Variants in OR51B5 observed in about 807,000 individuals in gnomAD.
OR51B5 encodes olfactory receptor family 51 subfamily B member 5.
For synonymous variants in OR51B5, 186 were observed against 144.8 expected (o/e 1.28, Z -2.04); for missense variants, 456 against 374.6 (o/e 1.22, Z -1.79).
At chr11:5,372,842 C>G (rs951541499) in intron 1 of OR51B5, among the ~76,000 whole-genome samples, 11 of 152,136 alleles carry the variant, frequency 7.2e-5, no homozygotes, top group African/African-American at 2.7e-4. Flanking sequence ...TATGAAACCA[C>G]AGAACACCCC....
At chr11:5,417,588 A>G (rs1051472009) in intron 1 of OR51B5, among the ~76,000 whole-genome samples, 1 of 151,552 alleles carries the variant, frequency 6.6e-6, no homozygotes, top group Non-Finnish European at 1.5e-5. Context: ...CAAGAAAAAA[A>G]AAACCCCATC....
chr11:5,377,207 A>T (rs1564792472), intron 1 of OR51B5, among the ~76,000 whole-genome samples: 1 of 152,092 alleles, frequency 6.6e-6, no homozygotes, highest in Non-Finnish European at 1.5e-5. Flanking sequence ...CAAAGACAAA[A>T]ACCACATGAT....
chr11:5,383,183 G>C (rs953338254), intron 1 of OR51B5, among the ~76,000 whole-genome samples: 1 of 152,130 alleles, frequency 6.6e-6, no homozygotes. Flanking sequence ...CTCATTGAAG[G>C]AAAGTCCAGT....
intron 1 of OR51B5, among the ~76,000 whole-genome samples, chr11:5,429,516 T>G (rs979179381): frequency 6.6e-6 from 1 of 152,180 alleles, no homozygotes; most frequent in Non-Finnish European, 1.5e-5. Flanking sequence ...CACTGATCAA[T>G]CAGCACAGTT....
chr11:5,447,415 C>A (rs1850782408), intron 1 of OR51B5, among the ~76,000 whole-genome samples: 1 of 152,168 alleles, frequency 6.6e-6, no homozygotes, highest in South Asian at 2.1e-4. Flanking sequence ...AGTAACCCCA[C>A]CTTTGGCTTT....
intron 1 of OR51B5, chr11:5,354,789 G>C (rs181859558): frequency 1.2e-4 from 24 of 192,692 alleles, no homozygotes; most frequent in African/African-American, 4.1e-4. Flanking sequence ...AAGCTGCTGA[G>C]ACAAAAGACA....
At chr11:5,351,362 T>G in intron 1 of OR51B5, 1 of 627,130 alleles carries the variant, frequency 1.6e-6, no homozygotes, top group Non-Finnish European at 2.8e-6. Flanking sequence ...CTCCCAGGAA[T>G]GACTAAATTA....
intron 1 of OR51B5, among the ~76,000 whole-genome samples, chr11:5,450,413 TAATG>T (rs889294842): frequency 5.9e-5 from 9 of 151,342 alleles, no homozygotes; most frequent in Non-Finnish European, 1.2e-4. Context: ...ATTAATTAAT[TAATG>T]AATAAAAATA....
intron 1 of OR51B5, among the ~76,000 whole-genome samples, chr11:5,503,952 C>T (rs1278862138): frequency 6.6e-6 from 1 of 152,230 alleles, no homozygotes; most frequent in East Asian, 1.9e-4. Context: ...AAGTGATGTA[C>T]TTCCCCTCTT....
At chr11:5,370,209 C>T (rs182606179) in intron 1 of OR51B5, among the ~76,000 whole-genome samples, 2 of 152,274 alleles carry the variant, frequency 1.3e-5, no homozygotes, top group East Asian at 3.9e-4. Flanking sequence ...TTATCATTAA[C>T]AGTCACAGTC....
chr11:5,436,694 A>G (rs1262490641), intron 1 of OR51B5, among the ~76,000 whole-genome samples: 3 of 152,224 alleles, frequency 2.0e-5, no homozygotes, highest in Non-Finnish European at 4.4e-5. Flanking sequence ...CAACTATGCA[A>G]ACATACACAG....
intron 1 of OR51B5, among the ~76,000 whole-genome samples, chr11:5,370,458 T>C (rs1849430747): frequency 6.6e-6 from 1 of 152,224 alleles, no homozygotes; most frequent in Admixed American, 6.5e-5. Flanking sequence ...TTGGTATGTC[T>C]CTGTCCAATT....
At chr11:5,376,246 G>A (rs541010353) in intron 1 of OR51B5, among the ~76,000 whole-genome samples, 11 of 152,014 alleles carry the variant, frequency 7.2e-5, no homozygotes, top group African/African-American at 2.2e-4. Flanking sequence ...CAGAAATAAA[G>A]ATGTTCTTTG....
chr11:5,485,377 C>CA (rs1001488972), intron 1 of OR51B5, among the ~76,000 whole-genome samples: 39 of 152,290 alleles, frequency 2.6e-4, no homozygotes, highest in Non-Finnish European at 4.9e-4. Context: ...ATCTTTCCCA[C>CA]AAAAAATGTG....
chr11:5,422,587 C>A, intron 1 of OR51B5: 1 of 1,614,152 alleles, frequency 6.2e-7, no homozygotes, highest in Non-Finnish European at 8.5e-7. Flanking sequence ...TGGCCATCTG[C>A]TGTCCCCTCC....
Position 5,396,218 on chromosome 11 carries a change from C to A in OR51B5, n.85-49308G>T, listed in dbSNP as rs2647558. On this transcript the variant is annotated intron_variant and non_coding_transcript_variant, in intron 1 of 4. Coordinates refer to the OR51B5 transcript ENST00000415970. ...CAACATAGTGTTGGAAGTTCTGGCC[C>A]GGGCAATCGGGCAGGAGAAGGAAAT... Among the ~76,000 whole-genome samples, 189 of 152,040 alleles carry A rather than the reference C, an allele frequency of 1.2e-3. 1 individual carries two copies. The East Asian group carries it at 0.014, about 11-fold the overall frequency.
intron 1 of OR51B5, among the ~76,000 whole-genome samples, chr11:5,426,207 G>A (rs565857652): frequency 4.2e-4 from 64 of 152,228 alleles, no homozygotes; most frequent in African/African-American, 1.5e-3. Context: ...CAAGGTTTTG[G>A]GGAAAGTGAA....
At chr11:5,368,456 A>T (rs1849405773) in intron 1 of OR51B5, among the ~76,000 whole-genome samples, 2 of 128,534 alleles carry the variant, frequency 1.6e-5, no homozygotes, top group Non-Finnish European at 3.5e-5. Flanking sequence ...TATTATAGAA[A>T]TCATTGCTAT....
intron 1 of OR51B5, among the ~76,000 whole-genome samples, chr11:5,378,952 C>A (rs912735404): frequency 6.6e-6 from 1 of 151,284 alleles, no homozygotes; most frequent in Non-Finnish European, 1.5e-5. Context: ...CCCAGCCATC[C>A]CATTACTGGG....
Sources: allele counts gnomAD v4.1 joint callset (sites outside exome capture counted in the v4.1 genomes callset), GRCh38; gene constraint gnomAD v4.1.1; transcripts MANE v1.5; gene names NCBI Gene and HGNC (gene_info 2026-07-23, HGNC 2026-07-21).